ORC2: variants seen among roughly 807,000 people sequenced by gnomAD.
ORC2 encodes the protein origin recognition complex subunit 2.
In ORC2, 37 loss-of-function variants were observed where a neutral mutation model predicts 77.7. The observed-to-expected ratio is 0.48, with a 90% CI of 0.37 to 0.63. The LOEUF is 0.63. ORC2 is among the 20% of genes least tolerant of loss of function. ORC2 has a pLI of 0.00. For synonymous variants in ORC2, 201 were observed against 229.5 expected (o/e 0.88, Z 1.12); for missense variants, 557 against 661.9 (o/e 0.84, Z 1.74).
At position 200,914,011 on chromosome 2, in the gene ORC2, A is replaced by C. The variant is rs140915676; in HGVS notation, c.1467-19T>G. ...AATTCCCCTAAAAAAAAAAAAAAAC[A>C]GGAATTTAAATCCAAAAATGTTAAC... On this transcript the variant is annotated intron_variant, in intron 15 of 17. Coordinates refer to ENST00000234296, the MANE Select transcript of ORC2 (RefSeq NM_006190.5). 7.6e-7 allele frequency: 1 copy of C among 1,317,796 alleles called. No homozygotes were observed. Among genetic ancestry groups the C allele is most frequent in the East Asian group, 2.3e-5 (1 of 43,028 alleles). 81.6% of individuals were successfully genotyped at this position (1,317,796 alleles called of 1,614,324 possible).
Position 200,963,480 on chromosome 2 carries a change from C to G in ORC2, c.-60+10G>C, listed in dbSNP as rs1575194756. 1 of 398,578 alleles carries G rather than the reference C, an allele frequency of 2.5e-6. No individual in the cohort carries two copies. The highest frequency in any genetic ancestry group is 4.4e-6 in the Non-Finnish European group (1 of 226,120). The allele number at this position is 398,578 out of a possible 1,614,324, so 24.7% of individuals were successfully genotyped here. ...AGGGAGGCAGGCTGCCCCGACACCC[C>G]ACTACTCACCGCTAGGTTTCCGTCT... On this transcript the variant is annotated intron_variant, in intron 1 of 17. Transcript: ENST00000234296.
chr2:200,942,865 T>A (rs1466100478), intron 5 of ORC2, 88 bp from the exon 6 acceptor site: 1 of 651,700 alleles, frequency 1.5e-6, no homozygotes, highest in African/African-American at 1.9e-5. Context: ...AAAAATTCTT[T>A]AAAAACCTCT....
At chr2:200,937,865 T>C (rs2041076055) in intron 8 of ORC2, 41 bp downstream of exon 8, 1 of 1,287,182 alleles carries the variant, frequency 7.8e-7, no homozygotes, top group Non-Finnish European at 1.1e-6. Context: ...CTTGTTTAGA[T>C]GCTACTTTTT....
chr2:200,914,983 C>G (rs1485154480), intron 15 of ORC2, among the ~76,000 whole-genome samples: 1 of 125,586 alleles, frequency 8.0e-6, no homozygotes, highest in Non-Finnish European at 1.7e-5. Flanking sequence ...TGCTTCTTCA[C>G]TTTTTGATTC....
chr2:200,931,313 C>A, intron 11 of ORC2, 26 bp downstream of exon 11: 1 of 939,132 alleles, frequency 1.1e-6, no homozygotes, highest in South Asian at 1.8e-5. Context: ...CTTTATTTTA[C>A]AAGGGTTTGT....
chr2:200,927,717 AT>A (rs1291085543), intron 11 of ORC2, among the ~76,000 whole-genome samples: 11 of 147,620 alleles, frequency 7.5e-5, no homozygotes, highest in South Asian at 2.2e-4. Flanking sequence ...ATTAATAATA[AT>A]TTTTTTTTTC....
rs16835875 is a variant in ORC2, at chr2:200,932,179, A to C, written c.808-731T>G. On this transcript the variant is annotated intron_variant, in intron 10 of 17. Coordinates refer to ENST00000234296, the MANE Select transcript of ORC2 (RefSeq NM_006190.5). Reference sequence around the variant, plus strand: ...AATTGTTAAGTAGGTAGTTAAAAAAAAACAACTCTTATCTCTTCTGAGTTC... The same window carrying C: ...AATTGTTAAGTAGGTAGTTAAAAAACAACAACTCTTATCTCTTCTGAGTTC... 2.8e-3 allele frequency among the ~76,000 whole-genome samples: 434 copies of C among 152,290 alleles called. 3 individuals are homozygous for C. The highest frequency in any genetic ancestry group is 0.01 in the African/African-American group (424 of 41,558).
chr2:200,952,234 G>T (rs1374950355), intron 4 of ORC2, among the ~76,000 whole-genome samples: 1 of 151,374 alleles, frequency 6.6e-6, no homozygotes, highest in Admixed American at 6.6e-5. Flanking sequence ...AATATAGAAT[G>T]TATAACTATA....
At chr2:200,960,194 T>C (rs545653139) in intron 1 of ORC2, among the ~76,000 whole-genome samples, 3 of 152,018 alleles carry the variant, frequency 2.0e-5, no homozygotes, top group South Asian at 2.1e-4. Context: ...CCTAGGCTTG[T>C]CTCAAACCTT....
At chr2:200,963,260 G>A (rs2041614812) in intron 1 of ORC2, 2 of 395,072 alleles carry the variant, frequency 5.1e-6, no homozygotes, top group Admixed American at 4.4e-5. Flanking sequence ...CCAGCCTCTG[G>A]CCAGTTGGCT....
At chr2:200,911,789 A>T (rs1290378377) in intron 17 of ORC2, among the ~76,000 whole-genome samples, 2 of 152,070 alleles carry the variant, frequency 1.3e-5, no homozygotes, top group East Asian at 3.9e-4. Flanking sequence ...CTCACTACAC[A>T]CCTTCATTCC....
At chr2:200,953,063 T>C (rs147032615) in intron 4 of ORC2, among the ~76,000 whole-genome samples, 140 of 147,184 alleles carry the variant, frequency 9.5e-4, no homozygotes, top group African/African-American at 3.2e-3. Context: ...CAGTGAGCCT[T>C]GATTGTGCCA....
intron 5 of ORC2, among the ~76,000 whole-genome samples, chr2:200,947,344 A>G (rs1187153544): frequency 1.3e-5 from 2 of 152,250 alleles, no homozygotes; most frequent in Non-Finnish European, 2.9e-5. Flanking sequence ...TGATTTTGGC[A>G]ACTGATTAAC....
chr2:200,938,386 A>G (rs551035997), intron 7 of ORC2, among the ~76,000 whole-genome samples: 1 of 152,334 alleles, frequency 6.6e-6, no homozygotes, highest in South Asian at 2.1e-4. Flanking sequence ...TATGAAAGGG[A>G]ACGGGCACCC....
intron 4 of ORC2, among the ~76,000 whole-genome samples, chr2:200,956,111 A>G (rs2041459604): frequency 6.6e-6 from 1 of 152,208 alleles, no homozygotes; most frequent in South Asian, 2.1e-4. Context: ...TTTGTCACCC[A>G]GGCTGAGTAT....
Position 200,941,496 on chromosome 2 carries a change from A to T in ORC2, c.422-217T>A, listed in dbSNP as rs759989832. ...GTGTCTATTCAAAAAATTAAAAATT[A>T]AAAAAAAAAAAAAAAAGCAAAGTTG... On this transcript the variant is annotated intron_variant, in intron 6 of 17. Coordinates refer to ENST00000234296, the MANE Select transcript of ORC2 (RefSeq NM_006190.5). Among the ~76,000 whole-genome samples the T allele has an allele frequency of 2.4e-3, 289 of 119,284 alleles. 7 individuals are homozygous for T. The highest frequency in any genetic ancestry group is 4.0e-3 in the Admixed American group (50 of 12,598). The allele number at this position is 119,284 out of a possible 152,430, so 78.3% of individuals were successfully genotyped here. A position where few individuals can be genotyped will look rare whatever the true frequency, so the allele number is the denominator to read the frequency against.
At chr2:200,938,691 TTATTGTC>T (rs2041094225) in intron 7 of ORC2, among the ~76,000 whole-genome samples, 2 of 152,166 alleles carry the variant, frequency 1.3e-5, no homozygotes, top group Non-Finnish European at 2.9e-5. Context: ...AAATTTAAGT[TTATTGTC>T]TTGTGATAGA....
chr2:200,914,743 T>A (rs2040611039), intron 15 of ORC2, among the ~76,000 whole-genome samples: 1 of 152,066 alleles, frequency 6.6e-6, no homozygotes, highest in East Asian at 1.9e-4. Context: ...ACACCCTGTC[T>A]CAAAAAAATA....
At chr2:200,918,352 G>C (rs969870898) in intron 15 of ORC2, among the ~76,000 whole-genome samples, 5 of 152,112 alleles carry the variant, frequency 3.3e-5, no homozygotes, top group African/African-American at 7.2e-5. Flanking sequence ...TGTGTGTTTG[G>C]AACAAGAGGG....
Sources: gnomAD v4.1 joint callset for allele counts (sites outside exome capture counted in the v4.1 genomes callset) on GRCh38, gnomAD v4.1.1 for gene constraint, MANE v1.5 for transcripts, NCBI Gene and HGNC (gene_info 2026-07-23, HGNC 2026-07-21) for gene names.